The following SHISA9 variants were observed in gnomAD, a reference collection of about 807,000 sequenced individuals.
SHISA9 encodes the protein shisa family member 9.
SHISA9 carries 13 observed loss-of-function variants against 38.0 expected under a neutral mutation model. The observed-to-expected ratio is 0.34, with a 90% CI of 0.22 to 0.54. The LOEUF is 0.54. Among genes scored for constraint, SHISA9 ranks in the 20% least tolerant of loss-of-function variants. The pLI is 0.91. For synonymous variants in SHISA9, 275 were observed against 242.0 expected, an observed-to-expected ratio of 1.14 and a Z score of -1.27; for missense variants, 538 against 575.8, an observed-to-expected ratio of 0.93 and a Z score of 0.67.
chr16:13,079,087 A>T (rs1010234349), intron 2 of SHISA9, among the ~76,000 whole-genome samples: 11 of 152,116 alleles, frequency 7.2e-5, no homozygotes, highest in African/African-American at 2.4e-4. Flanking sequence ...GGCTAATAGA[A>T]CTTTCCTCAG....
chr16:13,543,995 A>C, the SHISA9 span, among the ~76,000 whole-genome samples: 1 of 152,080 alleles, frequency 6.6e-6, no homozygotes. Context: ...CCAGAAGGGG[A>C]AGTCACGTGC....
At chr16:12,919,480 A>G (rs544877599) in intron 2 of SHISA9, among the ~76,000 whole-genome samples, 1 of 152,192 alleles carries the variant, frequency 6.6e-6, no homozygotes, top group African/African-American at 2.4e-5. Context: ...CCCACTCAAC[A>G]TTGCTTTAAG....
chr16:13,436,445 A>G, the SHISA9 span, among the ~76,000 whole-genome samples: 1,390 of 152,348 alleles, frequency 9.1e-3, 18 homozygotes, highest in South Asian at 0.016. Flanking sequence ...GGAACCCTCA[A>G]TTCCAGGAAT....
chr16:12,913,898 T>G (rs894976647), intron 1 of SHISA9, among the ~76,000 whole-genome samples: 2 of 152,130 alleles, frequency 1.3e-5, no homozygotes, highest in African/African-American at 4.8e-5. Flanking sequence ...ATCTCGTGTG[T>G]CCATTCATCA....
intron 2 of SHISA9, among the ~76,000 whole-genome samples, chr16:12,924,524 C>A (rs767019734): frequency 6.6e-6 from 1 of 152,090 alleles, no homozygotes; most frequent in Non-Finnish European, 1.5e-5. Context: ...AGTTCTTTTT[C>A]ATAGTTGGGC....
At chr16:13,258,139 C>T in the SHISA9 span, among the ~76,000 whole-genome samples, 1 of 152,084 alleles carries the variant, frequency 6.6e-6, no homozygotes, top group Non-Finnish European at 1.5e-5. Context: ...TCTTAGTTTC[C>T]CTCCCCTACA....
chr16:13,421,698 G>A, the SHISA9 span, among the ~76,000 whole-genome samples: 1 of 152,172 alleles, frequency 6.6e-6, no homozygotes, highest in South Asian at 2.1e-4. Context: ...ATGTCATTTT[G>A]TTGTACATAA....
chr16:13,042,296 A>G (rs1596606657), intron 2 of SHISA9, among the ~76,000 whole-genome samples: 1 of 152,148 alleles, frequency 6.6e-6, no homozygotes, highest in African/African-American at 2.4e-5. Context: ...AAAGACTGAA[A>G]CCATGCTTGT....
chr16:13,157,400 A>G (rs538865120), intron 2 of SHISA9, among the ~76,000 whole-genome samples: 1 of 152,342 alleles, frequency 6.6e-6, no homozygotes, highest in African/African-American at 2.4e-5. Flanking sequence ...TGGAACTTGA[A>G]TGCCTGGGTC....
At chr16:13,159,681 G>A (rs966916488) in intron 2 of SHISA9, among the ~76,000 whole-genome samples, 1 of 152,158 alleles carries the variant, frequency 6.6e-6, no homozygotes, top group African/African-American at 2.4e-5. Context: ...AGTTCCATAG[G>A]TTCCAGATAT....
chr16:13,139,528 A>G (rs917705348), intron 2 of SHISA9, among the ~76,000 whole-genome samples: 2 of 149,262 alleles, frequency 1.3e-5, no homozygotes, highest in African/African-American at 2.5e-5. Context: ...TTATCGGTAA[A>G]GTAGAACCAC....
At chr16:13,037,695 C>T (rs1271510093) in intron 2 of SHISA9, among the ~76,000 whole-genome samples, 1 of 152,204 alleles carries the variant, frequency 6.6e-6, no homozygotes, top group African/African-American at 2.4e-5. Flanking sequence ...AAGCAGCCCC[C>T]TAACTGGTCC....
At chr16:13,090,405 TA>T (rs894688881) in intron 2 of SHISA9, among the ~76,000 whole-genome samples, 1 of 152,176 alleles carries the variant, frequency 6.6e-6, no homozygotes, top group Non-Finnish European at 1.5e-5. Context: ...AGTGGGGTGT[TA>T]AAGTCTCCCA....
chr16:12,966,420 C>G (rs760249591), intron 2 of SHISA9, among the ~76,000 whole-genome samples: 21 of 152,052 alleles, frequency 1.4e-4, no homozygotes, highest in Non-Finnish European at 2.6e-4. Context: ...CAGATATGTG[C>G]GTTCTTTCTT....
At chr16:13,147,050 T>A (rs1285312236) in intron 2 of SHISA9, among the ~76,000 whole-genome samples, 1 of 152,220 alleles carries the variant, frequency 6.6e-6, no homozygotes, top group Non-Finnish European at 1.5e-5. Context: ...GAGTATAGTA[T>A]AATGTGTCCT....
chr16:13,397,884 G>C, the SHISA9 span, among the ~76,000 whole-genome samples: 3 of 152,184 alleles, frequency 2.0e-5, no homozygotes, highest in Non-Finnish European at 4.4e-5. Context: ...TATAGGCTTG[G>C]AGAATGAGTG....
chr16:13,533,146 C>CGGGA, the SHISA9 span, among the ~76,000 whole-genome samples: 38 of 152,306 alleles, frequency 2.5e-4, no homozygotes, highest in South Asian at 7.9e-3. Flanking sequence ...TCCATGGTCC[C>CGGGA]CCATGACTAC....
intron 2 of SHISA9, among the ~76,000 whole-genome samples, chr16:13,182,379 T>A (rs2050785852): frequency 6.6e-6 from 1 of 152,218 alleles, no homozygotes; most frequent in Admixed American, 6.5e-5. Context: ...AAGAAGAACC[T>A]TTCCTTTCCT....
At chr16:13,267,248 A>G in the SHISA9 span, among the ~76,000 whole-genome samples, 1 of 152,364 alleles carries the variant, frequency 6.6e-6, no homozygotes, top group East Asian at 1.9e-4. Context: ...AGATAGGAAA[A>G]TAAAAATCAC....
Sources: gnomAD v4.1 joint callset for allele counts (sites outside exome capture counted in the v4.1 genomes callset) on GRCh38, gnomAD v4.1.1 for gene constraint, MANE v1.5 for transcripts, NCBI Gene and HGNC (gene_info 2026-07-23, HGNC 2026-07-21) for gene names.